Variants in B3GAT1 observed in about 807,000 individuals in gnomAD.
B3GAT1 encodes the protein beta-1,3-glucuronyltransferase 1, also known as galactosylgalactosylxylosylprotein 3-beta-glucuronosyltransferase 1.
A neutral mutation model predicts 28.4 loss-of-function variants in B3GAT1; 11 were observed. That is an observed-to-expected ratio of 0.39 (90% CI 0.24 to 0.64). The LOEUF is 0.64. Among genes scored for constraint, B3GAT1 ranks in the 30% least tolerant of loss-of-function variants. The pLI, the probability that B3GAT1 is intolerant of heterozygous loss-of-function variation, is 0.50. For synonymous variants in B3GAT1, 255 were observed against 223.1 expected (o/e 1.14, Z -1.27); for missense variants, 375 against 491.0 (o/e 0.76, Z 2.23).
At position 134,381,442 on chromosome 11, in the gene B3GAT1, G is replaced by A. The variant is rs1051976274; in HGVS notation, c.*14+482C>T. On this transcript the variant is annotated intron_variant, in intron 5 of 5. Transcript: ENST00000312527. ...AAACAGTGAAGAGCAGGGGTCCTGGGAGCTGAGGTGGGCTCTGGGTCCGTG... is the reference window on the plus strand; with the variant it reads ...AAACAGTGAAGAGCAGGGGTCCTGGAAGCTGAGGTGGGCTCTGGGTCCGTG... 2.6e-5 allele frequency among the ~76,000 whole-genome samples: 4 copies of A among 152,236 alleles called. No individual in the cohort carries two copies. The East Asian group carries it at 5.8e-4, about 22-fold the overall frequency.
chr11:134,399,688 C>A lies in B3GAT1; in HGVS notation c.-281-11748G>T, dbSNP rs1944574082. ...GGGCTGTGACCCTCGCCTCATCTGA[C>A]CCTCTCTACAGAGGAGGCCCAGCCC... is the stretch of plus-strand genomic sequence containing the variant. On this transcript the variant is annotated intron_variant, in intron 1 of 5. Coordinates refer to ENST00000312527, the MANE Select transcript of B3GAT1 (RefSeq NM_054025.3). 4.6e-5 allele frequency among the ~76,000 whole-genome samples: 7 copies of A among 152,314 alleles called. No homozygotes were observed. The South Asian group carries it at 1.5e-3, about 32-fold the overall frequency.
At chr11:134,402,168 C>T (rs1020606755) in intron 1 of B3GAT1, among the ~76,000 whole-genome samples, 1 of 152,190 alleles carries the variant, frequency 6.6e-6, no homozygotes, top group African/African-American at 2.4e-5. Flanking sequence ...CATCCTGTCA[C>T]CCTGCTTCTT....
intron 1 of B3GAT1, among the ~76,000 whole-genome samples, chr11:134,409,003 G>T (rs933553881): frequency 6.6e-6 from 1 of 152,156 alleles, no homozygotes; most frequent in Non-Finnish European, 1.5e-5. Context: ...CTGGCCTGAC[G>T]CTGCTACTCC....
chr11:134,383,020 G>T lies in B3GAT1; in HGVS notation c.622-14C>A, dbSNP rs1445338278. The T allele has an allele frequency of 1.3e-6, 2 of 1,533,698 alleles. No individual in the cohort carries two copies. The highest frequency in any genetic ancestry group is 2.4e-5 in the East Asian group (1 of 41,526). On this transcript the variant is annotated splice_polypyrimidine_tract_variant and intron_variant, in intron 3 of 5. Coordinates refer to ENST00000312527, the MANE Select transcript of B3GAT1 (RefSeq NM_054025.3). ...GGTGCTGCGCATCTACAAGGGGGGG[G>T]TCCAGAGTCAGGGCGCCGGCACTGC...
In B3GAT1 at chr11:134,384,018, G is replaced by A. The variant is rs1944208480; in HGVS notation, c.283C>T (p.Arg95Cys). Residue 95 changes from arginine to cysteine, a missense_variant, in exon 3 of 6, where the codon CGC becomes TGC. Arg to Cys is a radical substitution (Grantham distance 180, BLOSUM62 -3). Transcript: ENST00000312527. ...TIHVVTPTYS[R>C]PVQKAELTRM... ...GTCAGCTCGGCCTTCTGCACCGGGC[G>A]GCTGTAGGTGGGCGTCACCACGTGG... The A allele has an allele frequency of 6.2e-7, 1 of 1,605,500 alleles. No homozygotes were observed. The highest frequency in any genetic ancestry group is 8.5e-7 in the Non-Finnish European group (1 of 1,179,088).
At chr11:134,409,368 C>T (rs1042062693) in intron 1 of B3GAT1, among the ~76,000 whole-genome samples, 28 of 152,140 alleles carry the variant, frequency 1.8e-4, no homozygotes, top group African/African-American at 6.8e-4. Context: ...CCAGGTTTCC[C>T]CAGACCCCAC....
intron 2 of B3GAT1, 139 bp from the exon 3 acceptor site, chr11:134,384,327 A>T: frequency 8.7e-7 from 1 of 1,150,668 alleles, no homozygotes; most frequent in Non-Finnish European, 1.2e-6. Flanking sequence ...GCCTTGCCTG[A>T]CCTGTTAGCT....
intron 1 of B3GAT1, among the ~76,000 whole-genome samples, chr11:134,395,389 C>T (rs1432207976): frequency 6.6e-6 from 1 of 152,056 alleles, no homozygotes; most frequent in Non-Finnish European, 1.5e-5. Flanking sequence ...AGCCATCCCA[C>T]AGCAGGTCAT....
rs143228611 is a variant in B3GAT1 at position 134,384,052 on chromosome 11, C to T, written c.249G>A (p.Leu83=). The T allele has an allele frequency of 2.5e-6, 4 of 1,605,090 alleles. No individual in the cohort carries two copies. The highest frequency in any genetic ancestry group is 2.5e-6 in the Non-Finnish European group (3 of 1,178,932). ...TGGGCGTCACCACGTGGATGGTGGG[C>T]AGCGTGTCGGACCATGGCGGGGGCC... ...YTRPPPWSDT[L]PTIHVVTPTY... Residue 83 remains leucine (L), a synonymous_variant, in exon 3 of 6, where the codon CTG becomes CTA. Coordinates refer to ENST00000312527, the MANE Select transcript of B3GAT1 (RefSeq NM_054025.3).
At chr11:134,407,383 T>C (rs543866692) in intron 1 of B3GAT1, among the ~76,000 whole-genome samples, 124 of 152,218 alleles carry the variant, frequency 8.1e-4, no homozygotes, top group Non-Finnish European at 1.4e-3. Context: ...CCCCACGCCG[T>C]GCCGTCATGT....
chr11:134,403,983 T>TTTTATATA (rs531926951), intron 1 of B3GAT1, among the ~76,000 whole-genome samples: 2 of 40,678 alleles, frequency 4.9e-5, no homozygotes, highest in African/African-American at 2.5e-4. Flanking sequence ...GTTTCTTTCT[T>TTTTATATA]TATATATATA....
At chr11:134,409,531 C>A (rs755699940) in intron 1 of B3GAT1, among the ~76,000 whole-genome samples, 1 of 152,220 alleles carries the variant, frequency 6.6e-6, no homozygotes, top group Non-Finnish European at 1.5e-5. Context: ...CATAGCCTGG[C>A]CTCCCTCTGC....
chr11:134,384,558 G>A (rs568865984), intron 2 of B3GAT1: 35 of 262,474 alleles, frequency 1.3e-4, no homozygotes, highest in African/African-American at 7.5e-4. Context: ...GAGGGAGCTG[G>A]CCACACTGCC....
At chr11:134,396,306 T>C (rs1429913776) in intron 1 of B3GAT1, among the ~76,000 whole-genome samples, 1 of 151,992 alleles carries the variant, frequency 6.6e-6, no homozygotes, top group African/African-American at 2.4e-5. Context: ...GGGCCATGTC[T>C]GGCCCTCAGC....
intron 1 of B3GAT1, among the ~76,000 whole-genome samples, chr11:134,398,927 G>A (rs1944556309): frequency 6.6e-6 from 1 of 152,230 alleles, no homozygotes; most frequent in Admixed American, 6.5e-5. Context: ...CTTTTGAAAA[G>A]GCGATGAGCT....
At chr11:134,394,835 G>T (rs78975867) in intron 1 of B3GAT1, among the ~76,000 whole-genome samples, 1 of 152,180 alleles carries the variant, frequency 6.6e-6, no homozygotes, top group Non-Finnish European at 1.5e-5. Flanking sequence ...ATATTTTCAC[G>T]CTTTGGTTTT....
rs1183836542 is a variant in B3GAT1, at chr11:134,383,696, A to C, written c.605T>G (p.Leu202Arg). 1 of 1,581,608 alleles carries C rather than the reference A, an allele frequency of 6.3e-7. No individual in the cohort carries two copies. Among genetic ancestry groups the C allele is most frequent in the South Asian group, 1.1e-5 (1 of 87,718 alleles). Reference sequence around the variant, plus strand: ...CTCCCTCACCTCTTCGAAGAGCTCCAGGCTGTAGGTGTTGTCGTCGTCGGC... The same window carrying C: ...CTCCCTCACCTCTTCGAAGAGCTCCCGGCTGTAGGTGTTGTCGTCGTCGGC... The part of the protein sequence containing the change: ...YFADDDNTYS[L>R]ELFEEMRSTR... Residue 202 changes from leucine to arginine, a missense_variant, in exon 3 of 6, where the codon CTG becomes CGG. Leu to Arg is a moderately radical substitution (Grantham distance 102). Transcript: ENST00000312527.
At chr11:134,399,380 G>A (rs1213663627) in intron 1 of B3GAT1, among the ~76,000 whole-genome samples, 1 of 152,216 alleles carries the variant, frequency 6.6e-6, no homozygotes, top group Non-Finnish European at 1.5e-5. Context: ...CCCTAGGAGA[G>A]GCCTGTGGTT....
At chr11:134,396,230 G>T (rs913251600) in intron 1 of B3GAT1, among the ~76,000 whole-genome samples, 2 of 152,188 alleles carry the variant, frequency 1.3e-5, no homozygotes, top group African/African-American at 2.4e-5. Flanking sequence ...CTGCACGAAG[G>T]CATGAGCACC....
Sources: allele counts gnomAD v4.1 joint callset (sites outside exome capture counted in the v4.1 genomes callset), GRCh38; gene constraint gnomAD v4.1.1; transcripts MANE v1.5; gene names NCBI Gene and HGNC (gene_info 2026-07-23, HGNC 2026-07-21).